MAML3: variants seen among roughly 807,000 people sequenced by gnomAD.
MAML3 encodes mastermind-like protein 3.
MAML3 carries 27 observed loss-of-function variants against 101.9 expected under a neutral mutation model. That is an observed-to-expected ratio of 0.27 (90% CI 0.20 to 0.37). The LOEUF is 0.37. Ranked by LOEUF, MAML3 falls within the 10% of genes least tolerant of loss-of-function variation. The pLI is 1.00. For synonymous variants in MAML3, 501 were observed against 555.9 expected, an observed-to-expected ratio of 0.90 and a Z score of 1.39; for missense variants, 1,316 against 1,444.9, an observed-to-expected ratio of 0.91 and a Z score of 1.45.
intron 1 of MAML3, among the ~76,000 whole-genome samples, chr4:140,091,722 G>A (rs917951323): frequency 6.6e-6 from 1 of 152,002 alleles, no homozygotes; most frequent in Admixed American, 6.6e-5. Flanking sequence ...TAGTTCAAGG[G>A]TTTGTTTAGT....
Position 140,152,798 on chromosome 4 carries a change from G to GC in MAML3, c.468+61dup, listed in dbSNP as rs1302047765. On this transcript the variant is annotated intron_variant, in intron 1 of 4. Transcript: ENST00000509479. Reference sequence around the variant, plus strand: ...TACCCCCATGTAAGAAGCTCCACGCGCCCCCCACCACCACCACCACCCCCA... The same window carrying GC: ...TACCCCCATGTAAGAAGCTCCACGCGCCCCCCCACCACCACCACCACCCCCA... The GC allele has an allele frequency of 4.0e-4, 621 of 1,555,160 alleles. 4 individuals carry two copies. The highest frequency in any genetic ancestry group is 1.2e-3 in the Middle Eastern group (5 of 4,172).
chr4:140,076,912 C>T (rs953092070), intron 1 of MAML3, among the ~76,000 whole-genome samples: 10 of 152,036 alleles, frequency 6.6e-5, no homozygotes, highest in East Asian at 3.9e-4. Flanking sequence ...TGTTTTGAAA[C>T]GGAGTCTCAC....
intron 1 of MAML3, among the ~76,000 whole-genome samples, chr4:140,104,387 AT>A (rs1252267793): frequency 1.2e-4 from 7 of 59,034 alleles, no homozygotes; most frequent in Non-Finnish European, 1.7e-4. Context: ...ATATATATAT[AT>A]TATATATTAT....
In MAML3 at chr4:140,033,828, T is replaced by A. The variant is rs140263163; in HGVS notation, c.468+119032A>T. ...GCATGGCACTGGGCACACAATGGAA[T>A]AATGTCTGCTTGCATTAAGCAGTGC... On this transcript the variant is annotated intron_variant, in intron 1 of 4. Transcript: ENST00000509479. Among the ~76,000 whole-genome samples the A allele has an allele frequency of 1.7e-3, 254 of 152,346 alleles. 1 individual carries two copies. The highest frequency in any genetic ancestry group is 5.7e-3 in the African/African-American group (238 of 41,578).
rs1729210131 is a variant in MAML3, at chr4:140,153,265, GCTA to G, written c.60_62del (p.Ser21del). 1 of 1,608,910 alleles carries G rather than the reference GCTA, an allele frequency of 6.2e-7. No individual in the cohort carries two copies. The highest frequency in any genetic ancestry group is 1.3e-5 in the African/African-American group (1 of 74,860). On this transcript the variant is annotated inframe_deletion, in exon 1 of 5. Transcript: ENST00000509479. ...CGGCCCCGCCGAGGCTGCTGTTCAGGCTACTGTTGATGCAAATACTACTGCCAT... is the reference window on the plus strand; with the variant it reads ...CGGCCCCGCCGAGGCTGCTGTTCAGGCTGTTGATGCAAATACTACTGCCAT...
chr4:139,951,127 C>T (rs1468921173), intron 1 of MAML3, among the ~76,000 whole-genome samples: 1 of 152,182 alleles, frequency 6.6e-6, no homozygotes, highest in Non-Finnish European at 1.5e-5. Flanking sequence ...TCTCTCTCTC[C>T]CTCCCTCTTT....
At chr4:139,780,163 C>A (rs1402854229) in intron 2 of MAML3, among the ~76,000 whole-genome samples, 2 of 152,194 alleles carry the variant, frequency 1.3e-5, no homozygotes, top group Non-Finnish European at 2.9e-5. Flanking sequence ...TGTTCATAGC[C>A]ACACTTGGCT....
At chr4:139,720,382 C>T (rs1357879625) in intron 4 of MAML3, 59 bp from the exon 5 acceptor site, 1 of 1,435,850 alleles carries the variant, frequency 7.0e-7, no homozygotes, top group South Asian at 1.6e-5. Context: ...TATACTGCAA[C>T]AAGATGTTGG....
At chr4:140,150,701 A>T (rs1729143127) in intron 1 of MAML3, among the ~76,000 whole-genome samples, 1 of 152,060 alleles carries the variant, frequency 6.6e-6, no homozygotes, top group Non-Finnish European at 1.5e-5. Context: ...GTGCCTCTTA[A>T]ATTCTCAGTC....
At chr4:139,790,653 G>T (rs530115852) in intron 2 of MAML3, among the ~76,000 whole-genome samples, 2 of 151,972 alleles carry the variant, frequency 1.3e-5, no homozygotes, top group Non-Finnish European at 2.9e-5. Flanking sequence ...TTGTTTTTTT[G>T]TGTGTGTCTG....
intron 1 of MAML3, among the ~76,000 whole-genome samples, chr4:140,056,002 T>C (rs1165466258): frequency 6.6e-6 from 1 of 151,810 alleles, no homozygotes; most frequent in East Asian, 1.9e-4. Flanking sequence ...AAGGGGAAAA[T>C]GAGGCAAGAT....
At chr4:139,931,174 A>T (rs536024989) in intron 1 of MAML3, among the ~76,000 whole-genome samples, 147 of 152,298 alleles carry the variant, frequency 9.7e-4, no homozygotes, top group African/African-American at 3.3e-3. Context: ...AATTATAAAA[A>T]AATCTCAAGA....
intron 2 of MAML3, among the ~76,000 whole-genome samples, chr4:139,830,701 A>T (rs1009016849): frequency 5.3e-5 from 8 of 152,122 alleles, no homozygotes; most frequent in African/African-American, 1.9e-4. Flanking sequence ...GGCGTGAGCC[A>T]CTGCGCCTGG....
At chr4:140,003,802 A>G (rs1045147159) in intron 1 of MAML3, among the ~76,000 whole-genome samples, 2 of 152,198 alleles carry the variant, frequency 1.3e-5, no homozygotes, top group Middle Eastern at 3.2e-3. Flanking sequence ...TTCAGTTTCC[A>G]TGTCTGTGAC....
chr4:139,721,081 G>A (rs1056579561), intron 4 of MAML3, among the ~76,000 whole-genome samples: 11 of 152,162 alleles, frequency 7.2e-5, no homozygotes, highest in Non-Finnish European at 1.3e-4. Flanking sequence ...CCTGCTACGT[G>A]CGACTTGGCC....
chr4:139,908,849 T>C (rs1374575512), intron 1 of MAML3, among the ~76,000 whole-genome samples: 1 of 152,236 alleles, frequency 6.6e-6, no homozygotes, highest in East Asian at 1.9e-4. Context: ...TCGCAGAGAA[T>C]GAACATGGAA....
chr4:140,126,295 G>A (rs1039921844), intron 1 of MAML3, among the ~76,000 whole-genome samples: 3 of 151,628 alleles, frequency 2.0e-5, no homozygotes, highest in Non-Finnish European at 4.4e-5. Flanking sequence ...TACACATGCC[G>A]TTTCTTCCTT....
intron 2 of MAML3, among the ~76,000 whole-genome samples, chr4:139,832,886 T>C (rs1731193520): frequency 6.6e-6 from 1 of 152,200 alleles, no homozygotes; most frequent in Non-Finnish European, 1.5e-5. Context: ...TTCTTCCTCT[T>C]AAATTTTAAA....
intron 1 of MAML3, among the ~76,000 whole-genome samples, chr4:140,038,912 C>T (rs1383917176): frequency 1.3e-5 from 2 of 152,014 alleles, no homozygotes; most frequent in East Asian, 3.9e-4. Flanking sequence ...GGGCAGATCA[C>T]GAGGTCAGGA....
Sources: gnomAD v4.1 joint callset for allele counts (sites outside exome capture counted in the v4.1 genomes callset) on GRCh38, gnomAD v4.1.1 for gene constraint, MANE v1.5 for transcripts, NCBI Gene and HGNC (gene_info 2026-07-23, HGNC 2026-07-21) for gene names.